The following ARID5B variants were observed in gnomAD, a reference collection of about 807,000 sequenced individuals.
ARID5B encodes AT-rich interactive domain-containing protein 5B.
A neutral mutation model predicts 97.2 loss-of-function variants in ARID5B; 13 were observed. That is an observed-to-expected ratio of 0.13 (90% confidence interval 0.09 to 0.21). The LOEUF (loss-of-function observed/expected upper bound fraction) is 0.21, where lower values mean the gene tolerates loss of function less well. ARID5B is among the 10% of genes least tolerant of loss of function. The pLI is 1.00. For synonymous variants in ARID5B, 556 were observed against 570.3 expected (o/e 0.97, Z 0.36); for missense variants, 1,210 against 1,465.3 (o/e 0.83, Z 2.84).
chr10:61,917,442 G>A (rs950564781), intron 2 of ARID5B, among the ~76,000 whole-genome samples: 5 of 152,092 alleles, frequency 3.3e-5, no homozygotes, highest in Admixed American at 1.3e-4. Flanking sequence ...TTCTCTCTAC[G>A]TCAGCCCCGC....
chr10:61,998,663 G>A (rs1005597508), intron 3 of ARID5B, among the ~76,000 whole-genome samples: 1 of 152,230 alleles, frequency 6.6e-6, no homozygotes, highest in Non-Finnish European at 1.5e-5. Flanking sequence ...GTTCCCCTGA[G>A]TTAAGGTGGT....
At chr10:61,907,872 A>G (rs1843732515) in intron 2 of ARID5B, among the ~76,000 whole-genome samples, 1 of 152,262 alleles carries the variant, frequency 6.6e-6, no homozygotes, top group Non-Finnish European at 1.5e-5. Flanking sequence ...TCGCTGACAA[A>G]GTAGAAATAT....
In ARID5B at chr10:62,043,166, G is replaced by C. The variant is rs75699919; in HGVS notation, c.734-7722G>C. On this transcript the variant is annotated intron_variant, in intron 4 of 9. Coordinates refer to ENST00000279873, the MANE Select transcript of ARID5B (RefSeq NM_032199.3). Reference sequence around the variant, plus strand: ...GACAGCCAAATAGACCAGAGAGAAGGTGAGAGTTGGAAAGGTCTGGCATAG... The same window carrying C: ...GACAGCCAAATAGACCAGAGAGAAGCTGAGAGTTGGAAAGGTCTGGCATAG... 5.3e-3 allele frequency among the ~76,000 whole-genome samples: 811 copies of C among 152,224 alleles called. 8 individuals carry two copies. The highest frequency in any genetic ancestry group is 0.019 in the African/African-American group (780 of 41,532).
chr10:62,007,757 A>G (rs1163962340), intron 4 of ARID5B, among the ~76,000 whole-genome samples: 1 of 152,168 alleles, frequency 6.6e-6, no homozygotes, highest in Non-Finnish European at 1.5e-5. Flanking sequence ...GTCATTTGCT[A>G]TTAAAAATCA....
intron 4 of ARID5B, among the ~76,000 whole-genome samples, chr10:62,016,983 A>C (rs1370296355): frequency 6.6e-6 from 1 of 152,212 alleles, no homozygotes; most frequent in African/African-American, 2.4e-5. Flanking sequence ...TCTGAAAAAT[A>C]TGCTAATTAT....
chr10:61,954,221 G>A (rs189596269), intron 3 of ARID5B, among the ~76,000 whole-genome samples: 3 of 152,022 alleles, frequency 2.0e-5, no homozygotes, highest in Non-Finnish European at 4.4e-5. Flanking sequence ...GCCAGGCATG[G>A]TGGCGCGTGC....
At chr10:61,916,812 G>T (rs1399124894) in intron 2 of ARID5B, among the ~76,000 whole-genome samples, 2 of 152,220 alleles carry the variant, frequency 1.3e-5, no homozygotes, top group Middle Eastern at 3.4e-3. Context: ...GTCTTTCAAG[G>T]TCCCATTTAA....
intron 4 of ARID5B, among the ~76,000 whole-genome samples, chr10:62,008,498 TAGAG>T (rs968875899): frequency 6.6e-6 from 1 of 152,174 alleles, no homozygotes; most frequent in Non-Finnish European, 1.5e-5. Flanking sequence ...AGGATTTAAA[TAGAG>T]AGATTGGCGT....
chr10:62,049,270 C>T, intron 4 of ARID5B: 1 of 1,421,268 alleles, frequency 7.0e-7, no homozygotes, highest in South Asian at 1.5e-5. Context: ...CCCACACACT[C>T]GGTGCTAGTC....
chr10:61,936,450 T>C (rs964882609), intron 2 of ARID5B, among the ~76,000 whole-genome samples: 5 of 152,188 alleles, frequency 3.3e-5, no homozygotes, highest in African/African-American at 9.6e-5. Flanking sequence ...AAACCCTGTC[T>C]CTACTAAAAG....
chr10:61,948,380 A>ATTTTTTTTT (rs71470784), intron 3 of ARID5B, among the ~76,000 whole-genome samples: 12,782 of 85,242 alleles, frequency 0.15, 1,736 homozygotes, highest in Non-Finnish European at 0.17. Flanking sequence ...ACTTTAGGTA[A>ATTTTTTTTT]TTTTTTTTTT....
At chr10:61,951,917 A>T (rs1283380482) in intron 3 of ARID5B, among the ~76,000 whole-genome samples, 1 of 152,174 alleles carries the variant, frequency 6.6e-6, no homozygotes, top group African/African-American at 2.4e-5. Flanking sequence ...CAGCTGCTGA[A>T]TATTTCATTA....
At chr10:61,961,010 A>G (rs1838463270) in intron 3 of ARID5B, among the ~76,000 whole-genome samples, 1 of 152,224 alleles carries the variant, frequency 6.6e-6, no homozygotes, top group African/African-American at 2.4e-5. Context: ...ATAGAATCCC[A>G]GGTGCTTATG....
rs1838963287 is a variant in ARID5B, at chr10:61,993,993, G to GA, written c.503-6094dup. Reference sequence around the variant, plus strand: ...TTTCCTTTAAAAAAAAAAGGAGAAAGAAAACTGTATGTTGTCTTTGAAGCA... The same window carrying GA: ...TTTCCTTTAAAAAAAAAAGGAGAAAGAAAAACTGTATGTTGTCTTTGAAGCA... On this transcript the variant is annotated intron_variant, in intron 3 of 9. Coordinates refer to ENST00000279873, the MANE Select transcript of ARID5B (RefSeq NM_032199.3). 4.6e-5 allele frequency among the ~76,000 whole-genome samples: 7 copies of GA among 152,028 alleles called. No individual in the cohort carries two copies. In the South Asian group the frequency reaches 1.5e-3, roughly 32 times the overall value.
rs558494255 is a variant in ARID5B at position 61,987,214 on chromosome 10, A to G, written c.503-12877A>G. Among the ~76,000 whole-genome samples the G allele has an allele frequency of 3.9e-5, 6 of 152,334 alleles. No individual in the cohort carries two copies. In the East Asian group the frequency reaches 7.7e-4, roughly 20 times the overall value. ...GCCAGCCAGCCCATGAGGGAGCCCA[A>G]TGATACAACATTCAGGGGTCACAGA... On this transcript the variant is annotated intron_variant, in intron 3 of 9. Coordinates refer to ENST00000279873, the MANE Select transcript of ARID5B (RefSeq NM_032199.3).
At chr10:62,014,872 T>C (rs1388892194) in intron 4 of ARID5B, among the ~76,000 whole-genome samples, 2 of 152,206 alleles carry the variant, frequency 1.3e-5, no homozygotes, top group African/African-American at 4.8e-5. Context: ...TGCATCTATT[T>C]TCCAGGATTT....
intron 4 of ARID5B, among the ~76,000 whole-genome samples, chr10:62,008,061 A>AACACACACACACACACACACAC (rs369982502): frequency 3.0e-5 from 2 of 66,532 alleles, no homozygotes; most frequent in African/African-American, 1.1e-4. Flanking sequence ...CCCGCCCCAC[A>AACACACACACACACACACACAC]ACACACACAC....
In ARID5B at chr10:62,085,914, C is replaced by G. The variant is rs768829241; in HGVS notation, c.1398+14C>G. On this transcript the variant is annotated intron_variant, in intron 9 of 9. Coordinates refer to ENST00000279873, the MANE Select transcript of ARID5B (RefSeq NM_032199.3). ...GATGCAGCAGAGGTGAGTTGCTTTG[C>G]TCCATAGAAATACCTCTGGAAGACA... The G allele has an allele frequency of 1.9e-6, 3 of 1,604,368 alleles. No individual in the cohort carries two copies. The highest frequency in any genetic ancestry group is 2.5e-6 in the Non-Finnish European group (3 of 1,177,404).
chr10:61,910,985 C>G (rs1469565193), intron 2 of ARID5B, among the ~76,000 whole-genome samples: 1 of 152,146 alleles, frequency 6.6e-6, no homozygotes, highest in Non-Finnish European at 1.5e-5. Flanking sequence ...CCAAATGTTG[C>G]TAGTCAATCT....
Sources: gnomAD v4.1 joint callset for allele counts (sites outside exome capture counted in the v4.1 genomes callset) on GRCh38, gnomAD v4.1.1 for gene constraint, MANE v1.5 for transcripts, NCBI Gene and HGNC (gene_info 2026-07-23, HGNC 2026-07-21) for gene names.